UXS1: variants seen among roughly 807,000 people sequenced by gnomAD.
UXS1 encodes the protein UDP-glucuronic acid decarboxylase 1.
In UXS1, 33 loss-of-function variants were observed where a neutral mutation model predicts 62.6. That is an observed-to-expected ratio of 0.53 (90% CI 0.40 to 0.70). The LOEUF (loss-of-function observed/expected upper bound fraction) is 0.70. Among genes scored for constraint, UXS1 ranks in the 30% least tolerant of loss-of-function variants. The pLI is 0.00. For synonymous variants in UXS1, 213 were observed against 206.8 expected (o/e 1.03, Z -0.26); for missense variants, 434 against 556.3 (o/e 0.78, Z 2.21).
chr2:106,106,389 C>G (rs559239221), intron 10 of UXS1, among the ~76,000 whole-genome samples: 3 of 147,626 alleles, frequency 2.0e-5, no homozygotes, highest in Non-Finnish European at 4.5e-5. Flanking sequence ...AAAGCACATG[C>G]ATCAAACCCC....
intron 5 of UXS1, among the ~76,000 whole-genome samples, chr2:106,151,184 G>T (rs1195105420): frequency 6.6e-6 from 1 of 152,140 alleles, no homozygotes; most frequent in Non-Finnish European, 1.5e-5. Context: ...GTTTAGATGA[G>T]ACTTTGGACT....
chr2:106,097,684 C>T (rs1677232175), intron 13 of UXS1: 1 of 196,458 alleles, frequency 5.1e-6, no homozygotes, highest in Non-Finnish European at 1.1e-5. Flanking sequence ...GAATTTCTAA[C>T]ACACATCTGA....
At chr2:106,128,190 G>A (rs373722951) in intron 7 of UXS1, among the ~76,000 whole-genome samples, 14 of 152,240 alleles carry the variant, frequency 9.2e-5, no homozygotes, top group African/African-American at 2.4e-4. Context: ...AGGGGTAGGC[G>A]CTTGTGATGG....
In UXS1 at chr2:106,164,742, A is replaced by C; in HGVS notation, c.180T>G (p.Ile60Met). ...AAATAGAAAAAAGACTAACCTCTTCAATCTTGCTTTCAATTTTTAGTTCAC... is the reference window on the plus strand; with the variant it reads ...AAATAGAAAAAAGACTAACCTCTTCCATCTTGCTTTCAATTTTTAGTTCAC... ...ENGELKIESKIEEMVEPLREK... is the reference protein window; with the variant it reads ...ENGELKIESKMEEMVEPLREK... The change falls in exon 3 of 15, where the codon ATT becomes ATG. Residue 60 changes from isoleucine to methionine, a missense_variant. Ile to Met is a conservative substitution (Grantham distance 10). This residue lies in a region of UXS1 where 134 missense variants were observed against 251.9 expected (regional missense o/e 0.53). Transcript: ENST00000283148. The C allele has an allele frequency of 6.3e-7, 1 of 1,581,000 alleles. No individual in the cohort carries two copies. Among genetic ancestry groups the C allele is most frequent in the South Asian group, 1.2e-5 (1 of 86,222 alleles).
At chr2:106,104,662 A>T (rs1015656397) in intron 11 of UXS1, 132 bp downstream of exon 11, 6 of 1,121,938 alleles carry the variant, frequency 5.3e-6, no homozygotes, top group Non-Finnish European at 7.5e-6. Context: ...AAAATTAAAA[A>T]TTTTTAATCA....
intron 7 of UXS1, 130 bp downstream of exon 7, chr2:106,129,544 A>G: frequency 1.3e-6 from 1 of 788,688 alleles, no homozygotes; most frequent in East Asian, 2.7e-5. Context: ...GCCAAATACC[A>G]CAAGCAGGGC....
At chr2:106,110,124 T>C (rs1386186687) in intron 10 of UXS1, among the ~76,000 whole-genome samples, 1 of 152,114 alleles carries the variant, frequency 6.6e-6, no homozygotes, top group Non-Finnish European at 1.5e-5. Context: ...TGCTGGGAAA[T>C]AGAATTCTGT....
intron 1 of UXS1, among the ~76,000 whole-genome samples, chr2:106,171,215 G>T (rs1169055429): frequency 2.6e-5 from 4 of 152,178 alleles, no homozygotes; most frequent in Admixed American, 2.6e-4. Context: ...TTCATTTAGA[G>T]TGAAAAATTG....
At chr2:106,112,988 G>A (rs999457623) in intron 9 of UXS1, among the ~76,000 whole-genome samples, 3 of 152,078 alleles carry the variant, frequency 2.0e-5, no homozygotes, top group Non-Finnish European at 2.9e-5. Flanking sequence ...CCCAGATCTC[G>A]CCACTGAAAG....
intron 1 of UXS1, among the ~76,000 whole-genome samples, chr2:106,173,949 G>A (rs1683716463): frequency 6.6e-6 from 1 of 152,192 alleles, no homozygotes; most frequent in African/African-American, 2.4e-5. Context: ...GTCCTTGAAG[G>A]AAAATGGTCA....
chr2:106,122,570 TAAC>T (rs1381016466), intron 9 of UXS1, among the ~76,000 whole-genome samples: 2 of 152,148 alleles, frequency 1.3e-5, no homozygotes, highest in Non-Finnish European at 2.9e-5. Flanking sequence ...TAAATATCAA[TAAC>T]AATAAAGAGG....
At chr2:106,191,856 GTTC>G (rs1684956826) in intron 1 of UXS1, among the ~76,000 whole-genome samples, 1 of 152,322 alleles carries the variant, frequency 6.6e-6, no homozygotes, top group South Asian at 2.1e-4. Context: ...TCCTGGCATA[GTTC>G]TCATGCATTC....
At chr2:106,103,526 C>T (rs144492492) in intron 11 of UXS1, among the ~76,000 whole-genome samples, 1 of 152,244 alleles carries the variant, frequency 6.6e-6, no homozygotes, top group African/African-American at 2.4e-5. Flanking sequence ...GGTCCCCATA[C>T]AGAAGTGTGC....
At chr2:106,161,741 C>A (rs2105052736) in intron 4 of UXS1, among the ~76,000 whole-genome samples, 1 of 152,182 alleles carries the variant, frequency 6.6e-6, no homozygotes, top group East Asian at 1.9e-4. Context: ...TTTAAAGATA[C>A]AGAGTTAAAA....
intron 4 of UXS1, among the ~76,000 whole-genome samples, chr2:106,163,306 T>G (rs546963854): frequency 7.8e-5 from 9 of 115,436 alleles, no homozygotes; most frequent in African/African-American, 3.0e-4. Flanking sequence ...CTCCACATCC[T>G]TATTTTGTGG....
intron 10 of UXS1, among the ~76,000 whole-genome samples, chr2:106,108,659 C>A (rs1678301657): frequency 6.6e-6 from 1 of 152,058 alleles, no homozygotes; most frequent in South Asian, 2.1e-4. Flanking sequence ...CTACTGGGGG[C>A]CGGGGAACGA....
chr2:106,172,003 C>T (rs1007033829), intron 1 of UXS1, among the ~76,000 whole-genome samples: 3 of 152,212 alleles, frequency 2.0e-5, no homozygotes, highest in African/African-American at 7.2e-5. Flanking sequence ...GCAGGCTTTG[C>T]CTTCTTTCCA....
At chr2:106,170,105 C>CCTTCCCCACTCAGACCTCCACG in intron 1 of UXS1, among the ~76,000 whole-genome samples, 1 of 152,124 alleles carries the variant, frequency 6.6e-6, no homozygotes, top group Non-Finnish European at 1.5e-5. Context: ...TGAATCCCTT[C>CCTTCCCCACTCAGACCTCCACG]CTTCCCCACT....
At chr2:106,121,304 G>A (rs1470141903) in intron 9 of UXS1, among the ~76,000 whole-genome samples, 1 of 152,072 alleles carries the variant, frequency 6.6e-6, no homozygotes, top group Non-Finnish European at 1.5e-5. Flanking sequence ...TAAGGCAATA[G>A]GTATACCCAT....
Sources: allele counts gnomAD v4.1 joint callset (sites outside exome capture counted in the v4.1 genomes callset), GRCh38; gene constraint gnomAD v4.1.1; regional missense constraint gnomAD v4.1.1; transcripts MANE v1.5; gene names NCBI Gene and HGNC (gene_info 2026-07-23, HGNC 2026-07-21).